LMNTD2: variants seen among roughly 807,000 people sequenced by gnomAD.
The protein encoded by LMNTD2 is lamin tail domain containing 2, also known as lamin tail domain-containing protein 2.
In LMNTD2, 83 loss-of-function variants were observed where a neutral mutation model predicts 70.1. That is an observed-to-expected ratio of 1.18 (90% confidence interval 0.99 to 1.42). LMNTD2 has a LOEUF of 1.42. Ranked by LOEUF, LMNTD2 falls within the 40% of genes most tolerant of loss-of-function variation. The probability of loss-of-function intolerance (pLI) is 0.00; values close to 1 mark genes in which losing one functional copy is unlikely to be tolerated. For missense variants in LMNTD2, 1,153 were observed against 905.9 expected (o/e 1.27, Z -3.50); for synonymous variants, 534 against 406.1 (o/e 1.31, Z -3.79).
chr11:556,558 C>T lies in LMNTD2; in HGVS notation c.1007G>A (p.Gly336Asp). The part of the protein sequence containing the change: ...DLQKTHSPRH[G>D]EPVLSPQPCT... ...GGGCTGGGGCGACAGGACCGGCTCG[C>T]CGTGCCTGGGTGAGTGGGTTTTCTG... The change falls in exon 9 of 14, where the codon GGC becomes GAC. Residue 336 changes from glycine (G) to aspartate (D), a missense_variant. Coordinates refer to ENST00000329451, the MANE Select transcript of LMNTD2 (RefSeq NM_173573.3). The T allele has an allele frequency of 1.3e-6, 2 of 1,553,954 alleles. No homozygotes were observed. The highest frequency in any genetic ancestry group is 1.7e-6 in the Non-Finnish European group (2 of 1,151,250).
At position 556,133 on chromosome 11, in the gene LMNTD2, G is replaced by C; in HGVS notation, c.1258-18C>G. The C allele has an allele frequency of 7.3e-7, 1 of 1,372,602 alleles. No homozygotes were observed. Among genetic ancestry groups the C allele is most frequent in the African/African-American group, 1.5e-5 (1 of 66,508 alleles). 85.0% of individuals were successfully genotyped at this position (1,372,602 alleles called of 1,614,324 possible). ...CCCCAGACCTGGAGGGGCGTGGAGCGGCGGGTGAGGGGCGGCCGGGCCGGG... is the reference window on the plus strand; with the variant it reads ...CCCCAGACCTGGAGGGGCGTGGAGCCGCGGGTGAGGGGCGGCCGGGCCGGG... On this transcript the variant is annotated intron_variant, in intron 10 of 13. Transcript: ENST00000329451.
chr11:557,168 A>T, intron 7 of LMNTD2, 71 bp from the exon 8 acceptor site: 2 of 1,494,238 alleles, frequency 1.3e-6, no homozygotes, highest in Admixed American at 2.1e-5. Flanking sequence ...CAGCCTCACA[A>T]GGCAGTGCAG....
In LMNTD2 at chr11:558,225, A is replaced by G; in HGVS notation, c.335T>C (p.Leu112Pro). Reference protein sequence around the residue: ...PKRSSHSQEKLLQNQVQKLIQ... With the variant: ...PKRSSHSQEKPLQNQVQKLIQ... The stretch of plus-strand genomic sequence containing the variant: ...CAGCTTCTGGACCTGGTTCTGCAGG[A>G]GTTTCTCCTGACTGTGGGAGCTCCT... Residue 112 changes from leucine to proline, a missense_variant, in exon 4 of 14, where the codon CTC (leucine) becomes CCC (proline). Transcript: ENST00000329451. 6.2e-7 allele frequency: 1 copy of G among 1,613,482 alleles called. No homozygotes were observed. The highest frequency in any genetic ancestry group is 8.5e-7 in the Non-Finnish European group (1 of 1,179,844).
chr11:558,762 C>T lies in LMNTD2; in HGVS notation c.163G>A (p.Ala55Thr). 3.7e-6 allele frequency: 6 copies of T among 1,605,252 alleles called. No individual in the cohort carries two copies. The highest frequency in any genetic ancestry group is 4.3e-6 in the Non-Finnish European group (5 of 1,174,760). ...GTGCGAGGGTCCAGGGACTCAAGAG[C>T]CAACCTGCAGCGGCAGCAGACCCTG... Reference protein sequence around the residue: ...PVVCSADPQLALESLDPRTLR... With the variant: ...PVVCSADPQLTLESLDPRTLR... The change falls in exon 3 of 14, where the codon GCT becomes ACT. Residue 55 changes from alanine to threonine, a missense_variant. Ala to Thr is a moderately conservative substitution (Grantham distance 58). Coordinates refer to ENST00000329451, the MANE Select transcript of LMNTD2 (RefSeq NM_173573.3).
intron 3 of LMNTD2, 68 bp from the exon 4 acceptor site, chr11:558,316 G>A: frequency 1.3e-6 from 2 of 1,529,188 alleles, no homozygotes; most frequent in Admixed American, 3.6e-5. Context: ...CAGGTCAGTG[G>A]CGAAGGAGGG....
In LMNTD2 at chr11:558,599, G is replaced by C. The variant is rs1326110897; in HGVS notation, c.311+15C>G. 3 of 1,598,082 alleles carry C rather than the reference G, an allele frequency of 1.9e-6. No homozygotes were observed. Among genetic ancestry groups the C allele is most frequent in the Non-Finnish European group, 2.6e-6 (3 of 1,171,870 alleles). On this transcript the variant is annotated intron_variant, in intron 3 of 13. Coordinates refer to ENST00000329451, the MANE Select transcript of LMNTD2 (RefSeq NM_173573.3). ...CAGGGCGGGGTTGGGTTGGGCTGGG[G>C]ACTGTGCTGCAGACCTCTTGGGCGG...
rs1306560570 is a variant in LMNTD2, at chr11:556,278, C to T, written c.1171G>A (p.Val391Met). Residue 391 changes from valine to methionine, a missense_variant, in exon 10 of 14, where the codon GTG becomes ATG. By Grantham distance (21) the Val-to-Met change is conservative (BLOSUM62 1). Transcript: ENST00000329451. ...AAGCCGCGCACCAGCTGCTTCAGCA[C>T]CATGCCGCTCAGGTCGGCCGTGCTC... ...QESTADLSGM[V>M]LKQLVRGFPE... The T allele has an allele frequency of 6.5e-7, 1 of 1,535,272 alleles. No individual in the cohort carries two copies. The highest frequency in any genetic ancestry group is 8.7e-7 in the Non-Finnish European group (1 of 1,146,606).
chr11:555,521 G>T lies in LMNTD2; in HGVS notation c.1575-18C>A. The T allele has an allele frequency of 7.4e-7, 1 of 1,352,412 alleles. No individual in the cohort carries two copies. Among genetic ancestry groups the T allele is most frequent in the Non-Finnish European group, 9.4e-7 (1 of 1,058,648 alleles). The allele number at this position is 1,352,412 out of a possible 1,614,324, so 83.8% of individuals were successfully genotyped here. A position where few individuals can be genotyped will look rare whatever the true frequency, so the allele number is the denominator to read the frequency against. ...CCCGCGTCCTGGTGGGGCGAGGGTCGTGAGGGCGGCGGCCGGCCCGGGAAA... is the reference window on the plus strand; with the variant it reads ...CCCGCGTCCTGGTGGGGCGAGGGTCTTGAGGGCGGCGGCCGGCCCGGGAAA... On this transcript the variant is annotated intron_variant, in intron 12 of 13. Coordinates refer to ENST00000329451, the MANE Select transcript of LMNTD2 (RefSeq NM_173573.3).
intron 1 of LMNTD2, 23 bp downstream of exon 1, chr11:560,660 C>G (rs899185310): frequency 2.8e-6 from 4 of 1,415,444 alleles, no homozygotes; most frequent in Non-Finnish European, 3.7e-6. Flanking sequence ...GAAGTCGGCC[C>G]AGGAGCGGGG....
Position 558,034 on chromosome 11 carries a change from C to T in LMNTD2, c.405G>A (p.Lys135=). The change falls in exon 5 of 14, where the codon AAG becomes AAA. Residue 135 remains lysine (K), a synonymous_variant. Transcript: ENST00000329451. ...KEQKERAQWE[K]EHLEERLLQT... Reference sequence around the variant, plus strand: ...GCAGCAGCCGCTCCTCCAGGTGCTCCTTCTCCTGCTCCGAGAGGGCCTGTG... The same window carrying T: ...GCAGCAGCCGCTCCTCCAGGTGCTCTTTCTCCTGCTCCGAGAGGGCCTGTG... 1 of 1,580,120 alleles carries T rather than the reference C, an allele frequency of 6.3e-7. No individual in the cohort carries two copies. The highest frequency in any genetic ancestry group is 2.2e-5 in the East Asian group (1 of 44,524).
rs1258144785 is a variant in LMNTD2 at position 560,670 on chromosome 11, G to A, written c.34+13C>T. On this transcript the variant is annotated intron_variant, in intron 1 of 13. Transcript: ENST00000329451. ...CTGAGGAAGTCGGCCCAGGAGCGGG[G>A]CCAGACACCTACCCCGACGCCTGCC... 7.0e-7 allele frequency: 1 copy of A among 1,433,114 alleles called. No homozygotes were observed. The highest frequency in any genetic ancestry group is 1.4e-5 in the South Asian group (1 of 72,484). 88.8% of individuals were successfully genotyped at this position (1,433,114 alleles called of 1,614,324 possible).
rs768473572 is a variant in LMNTD2 at position 556,236 on chromosome 11, G to T, written c.1213C>A (p.Arg405Ser). 1.5e-5 allele frequency: 23 copies of T among 1,512,564 alleles called. No homozygotes were observed. Among genetic ancestry groups the T allele is most frequent in the Non-Finnish European group, 1.9e-5 (22 of 1,136,372 alleles). The allele number at this position is 1,512,564 out of a possible 1,614,324, so 93.7% of individuals were successfully genotyped here. The change falls in exon 10 of 14, where the codon CGC becomes AGC. Residue 405 changes from arginine (R) to serine (S), a missense_variant. Coordinates refer to ENST00000329451, the MANE Select transcript of LMNTD2 (RefSeq NM_173573.3). Reference sequence around the variant, plus strand: ...GCCAGCAGCGTGCCCGGCGGGAAGCGGTACAGGCGCTCCGGGAAGCCGCGC... The same window carrying T: ...GCCAGCAGCGTGCCCGGCGGGAAGCTGTACAGGCGCTCCGGGAAGCCGCGC... ...LVRGFPERLY[R>S]FPPGTLLAPR...
intron 7 of LMNTD2, 78 bp downstream of exon 7, chr11:557,321 T>G: frequency 6.7e-7 from 1 of 1,490,998 alleles, no homozygotes. Flanking sequence ...TAAATGGTCC[T>G]TTAGTGTCCT....
intron 1 of LMNTD2, chr11:560,231 C>T: frequency 1.1e-6 from 1 of 875,700 alleles, no homozygotes; most frequent in Non-Finnish European, 1.4e-6. Flanking sequence ...AATCAATGGC[C>T]CACACAGCTG....
At chr11:559,036 G>T in intron 1 of LMNTD2, 57 bp from the exon 2 acceptor site, 1 of 1,581,434 alleles carries the variant, frequency 6.3e-7, no homozygotes, top group Non-Finnish European at 8.6e-7. Flanking sequence ...GCCAGACTTG[G>T]GGGCCATTCT....
intron 1 of LMNTD2, 68 bp downstream of exon 1, chr11:560,615 T>A (rs1337068257): frequency 1.2e-5 from 16 of 1,320,884 alleles, no homozygotes; most frequent in Middle Eastern, 2.7e-4. Context: ...AGACCCTTCC[T>A]GGGCGGGAAC....
intron 1 of LMNTD2, chr11:559,858 C>T (rs1853164562): frequency 6.8e-6 from 5 of 738,348 alleles, no homozygotes; most frequent in Admixed American, 5.5e-5. Flanking sequence ...TTCCTGGGCT[C>T]AGGTGATCCT....
chr11:558,416 G>A, intron 3 of LMNTD2, 168 bp from the exon 4 acceptor site: 2 of 1,062,478 alleles, frequency 1.9e-6, no homozygotes, highest in Non-Finnish European at 2.6e-6. Context: ...GTCTGGACAA[G>A]GGTCTAGCAC....
chr11:555,600 T>A (rs1280892529), intron 12 of LMNTD2, 97 bp from the exon 13 acceptor site: 5 of 1,252,406 alleles, frequency 4.0e-6, no homozygotes, highest in Non-Finnish European at 5.1e-6. Context: ...CGGGGCGTAC[T>A]GGAGGACCAG....
Sources: gnomAD v4.1 joint callset for allele counts on GRCh38, gnomAD v4.1.1 for gene constraint, MANE v1.5 for transcripts, NCBI Gene and HGNC (gene_info 2026-07-23, HGNC 2026-07-21) for gene names.